SLIT3: variants seen among roughly 807,000 people sequenced by gnomAD.
The protein encoded by SLIT3 is slit homolog 3 protein.
Under a neutral mutation model 184.0 loss-of-function variants are expected in SLIT3, and 68 were observed. That is an observed-to-expected ratio of 0.37 (90% CI 0.30 to 0.45). The LOEUF is 0.45. SLIT3 is among the 20% of genes least tolerant of loss of function. SLIT3 has a pLI of 1.00. For missense variants in SLIT3, 1,707 were observed against 2,026.0 expected (o/e 0.84, Z 3.02); for synonymous variants, 831 against 828.6 (o/e 1.00, Z -0.05).
chr5:169,168,825 G>A (rs1762724401), intron 4 of SLIT3, among the ~76,000 whole-genome samples: 1 of 151,928 alleles, frequency 6.6e-6, no homozygotes, highest in Non-Finnish European at 1.5e-5. Context: ...GGAGGAACAA[G>A]GGGAAATGGG....
rs765309153 is a variant in SLIT3 at position 168,795,495 on chromosome 5, G to A, written c.1007+12C>T. On this transcript the variant is annotated intron_variant, in intron 10 of 35. Coordinates refer to ENST00000519560, the MANE Select transcript of SLIT3 (RefSeq NM_003062.4). ...AAACATTTGGGCCCATTTCTCCACA[G>A]GGGAAACTCACATTCGCTTCAGTTT... 66 of 1,605,144 alleles carry A rather than the reference G, an allele frequency of 4.1e-5. No individual in the cohort carries two copies. The highest frequency in any genetic ancestry group is 4.4e-5 in the Non-Finnish European group (52 of 1,172,048).
At chr5:169,291,930 A>T (rs1767371043) in intron 1 of SLIT3, among the ~76,000 whole-genome samples, 1 of 152,080 alleles carries the variant, frequency 6.6e-6, no homozygotes, top group Non-Finnish European at 1.5e-5. Context: ...ACTTCACATA[A>T]CTCTTCAAAT....
At position 168,702,925 on chromosome 5, in the gene SLIT3, T is replaced by C. The variant is rs551194561; in HGVS notation, c.2845-2246A>G. Among the ~76,000 whole-genome samples, 66 of 152,252 alleles carry C rather than the reference T, an allele frequency of 4.3e-4. 2 individuals carry two copies. In the South Asian group the frequency reaches 0.013, roughly 31 times the overall value. ...GCCCCTGCTCTGGGGAACTGGTAAG[T>C]ACCAGTGACTCCAGGTCAAACCCTC... On this transcript the variant is annotated intron_variant, in intron 26 of 35. Coordinates refer to ENST00000519560, the MANE Select transcript of SLIT3 (RefSeq NM_003062.4).
chr5:168,952,547 AAG>A (rs1554084465), intron 4 of SLIT3, among the ~76,000 whole-genome samples: 2 of 136,250 alleles, frequency 1.5e-5, no homozygotes, highest in Non-Finnish European at 3.1e-5. Context: ...AAAAAAAAAA[AAG>A]AGGGGAGAAG....
At chr5:168,950,296 T>C (rs1474827171) in intron 4 of SLIT3, among the ~76,000 whole-genome samples, 2 of 152,044 alleles carry the variant, frequency 1.3e-5, no homozygotes, top group East Asian at 3.9e-4. Context: ...GGAGCTTTGA[T>C]CTTACACTTC....
At chr5:168,806,849 G>A (rs1756982468) in intron 8 of SLIT3, among the ~76,000 whole-genome samples, 1 of 152,210 alleles carries the variant, frequency 6.6e-6, no homozygotes, top group African/African-American at 2.4e-5. Flanking sequence ...TTTGGAGAAA[G>A]AGGGGCCCTC....
intron 25 of SLIT3, among the ~76,000 whole-genome samples, chr5:168,709,391 C>T (rs536809634): frequency 5.3e-5 from 8 of 152,268 alleles, no homozygotes; most frequent in East Asian, 3.9e-4. Context: ...CCACCGTGCC[C>T]GGACCCTGGC....
At chr5:168,688,459 G>A (rs1761812351) in intron 29 of SLIT3, among the ~76,000 whole-genome samples, 1 of 152,114 alleles carries the variant, frequency 6.6e-6, no homozygotes, top group Non-Finnish European at 1.5e-5. Flanking sequence ...GATAGAAGTG[G>A]GGTGGAATCC....
intron 5 of SLIT3, chr5:168,844,876 T>C: frequency 2.1e-6 from 1 of 487,530 alleles, no homozygotes; most frequent in Non-Finnish European, 3.7e-6. Context: ...CTGTCAGGTC[T>C]CAGTAAATAT....
intron 4 of SLIT3, among the ~76,000 whole-genome samples, chr5:169,021,587 G>T (rs58114836): frequency 0.14 from 21,900 of 152,066 alleles, 1,734 homozygotes; most frequent in East Asian, 0.41. Context: ...CTGACCTCTG[G>T]TGATCGACCT....
intron 1 of SLIT3, among the ~76,000 whole-genome samples, chr5:169,272,434 T>C (rs1008015018): frequency 5.9e-5 from 9 of 152,334 alleles, no homozygotes; most frequent in East Asian, 3.9e-4. Flanking sequence ...AGGTAGGTAA[T>C]TGGATCTAAC....
intron 5 of SLIT3, among the ~76,000 whole-genome samples, chr5:168,877,440 G>A (rs1038437414): frequency 3.3e-5 from 5 of 152,190 alleles, no homozygotes; most frequent in Non-Finnish European, 4.4e-5. Flanking sequence ...CCCAGTTCAC[G>A]TACAGCCTTG....
chr5:168,942,147 G>T (rs967803250), intron 4 of SLIT3, among the ~76,000 whole-genome samples: 4 of 152,210 alleles, frequency 2.6e-5, no homozygotes, highest in African/African-American at 7.2e-5. Context: ...ACATGACCAA[G>T]CTGGGCCAAT....
At chr5:169,014,412 G>A (rs115293400) in intron 4 of SLIT3, among the ~76,000 whole-genome samples, 3 of 152,200 alleles carry the variant, frequency 2.0e-5, no homozygotes, top group Non-Finnish European at 1.5e-5. Flanking sequence ...TGAAGTACTG[G>A]TGGGGGAGAG....
chr5:168,949,605 CTTGT>C (rs1043801688), intron 4 of SLIT3, among the ~76,000 whole-genome samples: 2 of 151,128 alleles, frequency 1.3e-5, no homozygotes, highest in Admixed American at 1.3e-4. Context: ...AATTTTTTGT[CTTGT>C]TTTTTTTGAG....
intron 26 of SLIT3, among the ~76,000 whole-genome samples, chr5:168,704,819 G>A (rs999884319): frequency 1.3e-5 from 2 of 152,166 alleles, no homozygotes; most frequent in African/African-American, 4.8e-5. Flanking sequence ...TGAACTTTGA[G>A]CTTGGTTTTG....
chr5:168,666,172 C>CAACAA lies in SLIT3; in HGVS notation c.*277_*281dup. 3.7e-6 allele frequency: 1 copy of CAACAA among 271,364 alleles called. No individual in the cohort carries two copies. The highest frequency in any genetic ancestry group is 6.8e-5 in the East Asian group (1 of 14,800). 16.8% of individuals were successfully genotyped at this position (271,364 alleles called of 1,614,324 possible). On this transcript the variant is annotated 3_prime_UTR_variant, in exon 36 of 36. Transcript: ENST00000519560. ...TTTTAAACAGCTATTTTTAAAAACACAACAAATACACAACACAAAACTTGG... is the reference window on the plus strand; with the variant it reads ...TTTTAAACAGCTATTTTTAAAAACACAACAAAACAAATACACAACACAAAACTTGG...
intron 4 of SLIT3, among the ~76,000 whole-genome samples, chr5:169,156,646 C>T (rs1454653454): frequency 6.6e-6 from 1 of 152,218 alleles, no homozygotes; most frequent in African/African-American, 2.4e-5. Context: ...GAAAGGTAAT[C>T]ATACATGAGC....
At position 169,101,700 on chromosome 5, in the gene SLIT3, C is replaced by T. The variant is rs12188890; in HGVS notation, c.413+91779G>A. Among the ~76,000 whole-genome samples, 1,183 of 152,298 alleles carry T rather than the reference C, an allele frequency of 7.8e-3. 8 individuals are homozygous for T. The highest frequency in any genetic ancestry group is 0.014 in the Non-Finnish European group (939 of 68,020). On this transcript the variant is annotated intron_variant, in intron 4 of 35. Coordinates refer to ENST00000519560, the MANE Select transcript of SLIT3 (RefSeq NM_003062.4). The stretch of plus-strand genomic sequence containing the variant: ...GAAAAATGATCCTTAATGATCCTGC[C>T]ACTCGCTACCCCTCTCTGGTCTCAT...
Sources: gnomAD v4.1 joint callset for allele counts (sites outside exome capture counted in the v4.1 genomes callset) on GRCh38, gnomAD v4.1.1 for gene constraint, MANE v1.5 for transcripts, NCBI Gene and HGNC (gene_info 2026-07-23, HGNC 2026-07-21) for gene names.